Variants in EML5 observed in about 807,000 individuals in gnomAD.
The protein encoded by EML5 is EMAP like 5, also known as echinoderm microtubule-associated protein-like 5.
In EML5, 120 loss-of-function variants were observed where a neutral mutation model predicts 250.0. The observed-to-expected ratio is 0.48, with a 90% confidence interval of 0.41 to 0.56. EML5 has a LOEUF of 0.56. Ranked by LOEUF, EML5 falls within the 20% of genes least tolerant of loss-of-function variation. The probability of loss-of-function intolerance (pLI) is 0.00; values close to 1 mark genes in which losing one functional copy is unlikely to be tolerated. For synonymous variants in EML5, 771 were observed against 806.5 expected, an observed-to-expected ratio of 0.96 and a Z score of 0.75; for missense variants, 2,006 against 2,437.6, an observed-to-expected ratio of 0.82 and a Z score of 3.73.
intron 34 of EML5, 115 bp from the exon 35 acceptor site, chr14:88,627,161 A>C (rs1479169794): frequency 1.0e-6 from 1 of 985,934 alleles, no homozygotes; most frequent in African/African-American, 1.6e-5. Flanking sequence ...AGAGAGGCCA[A>C]TGGCCCCTGC....
chr14:88,671,776 A>G (rs2092468743), intron 21 of EML5, among the ~76,000 whole-genome samples: 1 of 152,228 alleles, frequency 6.6e-6, no homozygotes. Flanking sequence ...AACAGATTTT[A>G]AACCAAAAAA....
At chr14:88,727,494 C>T (rs1187624626) in intron 7 of EML5, among the ~76,000 whole-genome samples, 3 of 149,420 alleles carry the variant, frequency 2.0e-5, no homozygotes, top group Non-Finnish European at 4.5e-5. Context: ...CTCCGCCTCC[C>T]GGGTTCAAGC....
chr14:88,757,297 C>T (rs2094174056), intron 1 of EML5, among the ~76,000 whole-genome samples: 1 of 152,102 alleles, frequency 6.6e-6, no homozygotes. Flanking sequence ...TAAATTTGGA[C>T]ACATACCTCA....
chr14:88,647,878 T>C (rs1253245110), intron 28 of EML5, among the ~76,000 whole-genome samples: 1 of 152,078 alleles, frequency 6.6e-6, no homozygotes, highest in Non-Finnish European at 1.5e-5. Flanking sequence ...CTTATTTTTG[T>C]TTTTAAGAAT....
Position 88,714,988 on chromosome 14 carries a change from A to G in EML5, c.1395T>C (p.Tyr465=), listed in dbSNP as rs781439144. The G allele has an allele frequency of 2.7e-5, 44 of 1,613,146 alleles. No individual in the cohort carries two copies. The Middle Eastern group carries it at 4.9e-4, about 18-fold the overall frequency. ...THLDWSSDSR[Y]LQTNDGNGKR... is the part of the protein sequence containing the mutation. The stretch of plus-strand genomic sequence containing the variant: ...TCCCATTTCCATCATTTGTCTGCAA[A>G]TATCTACTGTCTGAAGACCAGTCCA... The change falls in exon 9 of 44, where the codon TAT becomes TAC. Residue 465 remains tyrosine (Y), a synonymous_variant. Coordinates refer to ENST00000554922, the MANE Select transcript of EML5 (RefSeq NM_183387.3).
At chr14:88,618,157 CA>C in intron 41 of EML5, 70 bp downstream of exon 41, 2 of 1,308,356 alleles carry the variant, frequency 1.5e-6, no homozygotes, top group Non-Finnish European at 2.2e-6. Context: ...ATGGCTCTAA[CA>C]GTTCAGAAAT....
chr14:88,626,268 G>C (rs1357203976), intron 35 of EML5: 1 of 152,276 alleles, frequency 6.6e-6, no homozygotes, highest in Non-Finnish European at 1.5e-5. Flanking sequence ...AGGATATTTA[G>C]GGTGACAATT....
At chr14:88,643,538 A>C (rs2091182615) in intron 30 of EML5, among the ~76,000 whole-genome samples, 2 of 152,200 alleles carry the variant, frequency 1.3e-5, no homozygotes, top group South Asian at 4.1e-4. Flanking sequence ...ATTTTATATA[A>C]GGCACTTGAG....
chr14:88,619,685 A>ATT (rs35732162), intron 39 of EML5: 106 of 149,838 alleles, frequency 7.1e-4, no homozygotes, highest in South Asian at 6.8e-3. Flanking sequence ...TGGAAGAAGA[A>ATT]TTTTTTTTTT....
chr14:88,628,421 AT>A (rs1343850719), intron 33 of EML5, among the ~76,000 whole-genome samples: 2 of 152,092 alleles, frequency 1.3e-5, no homozygotes, highest in South Asian at 2.1e-4. Flanking sequence ...CTTTAAAAAA[AT>A]GTGGTTATTA....
chr14:88,768,037 T>C (rs1226691344), intron 1 of EML5, among the ~76,000 whole-genome samples: 2 of 152,192 alleles, frequency 1.3e-5, no homozygotes, highest in Non-Finnish European at 2.9e-5. Context: ...CTGGGAACTT[T>C]TGAAGAATAC....
At chr14:88,681,678 C>T (rs1420864963) in intron 21 of EML5, among the ~76,000 whole-genome samples, 7 of 152,150 alleles carry the variant, frequency 4.6e-5, no homozygotes, top group African/African-American at 1.7e-4. Flanking sequence ...TGGAAATTTG[C>T]TCACTTTAGG....
intron 14 of EML5, among the ~76,000 whole-genome samples, chr14:88,700,177 T>G (rs1057445736): frequency 1.3e-5 from 2 of 152,224 alleles, no homozygotes; most frequent in Non-Finnish European, 2.9e-5. Flanking sequence ...TATTCGACTT[T>G]CCAGGTAAGT....
intron 21 of EML5, among the ~76,000 whole-genome samples, chr14:88,669,171 T>C (rs948332453): frequency 6.6e-6 from 1 of 152,162 alleles, no homozygotes; most frequent in Admixed American, 6.5e-5. Context: ...GTGCAACTGG[T>C]GGATCAGGAG....
chr14:88,748,023 C>T (rs779845224), intron 2 of EML5, among the ~76,000 whole-genome samples: 6 of 152,016 alleles, frequency 3.9e-5, no homozygotes, highest in Admixed American at 2.0e-4. Flanking sequence ...TGTAATCACC[C>T]GAGCTTCCAT....
chr14:88,732,259 G>C (rs1227356882), intron 7 of EML5, among the ~76,000 whole-genome samples: 4 of 152,144 alleles, frequency 2.6e-5, no homozygotes, highest in African/African-American at 9.7e-5. Flanking sequence ...GTAAGGAAGG[G>C]ATCCAGTTTC....
intron 42 of EML5, chr14:88,616,488 G>C: frequency 5.0e-6 from 3 of 605,592 alleles, no homozygotes; most frequent in Non-Finnish European, 2.8e-6. Context: ...TTTGATAACT[G>C]ATTATAGGTT....
In EML5 at chr14:88,627,058, C is replaced by G. The variant is rs746163917; in HGVS notation, c.4532-12G>C. On this transcript the variant is annotated splice_polypyrimidine_tract_variant and intron_variant, in intron 34 of 43. Coordinates refer to ENST00000554922, the MANE Select transcript of EML5 (RefSeq NM_183387.3). ...GGCAATTTTGGCACCTGACAAGATA[C>G]AACAAAATTATCTAGGTTATTACAA... The G allele has an allele frequency of 6.2e-7, 1 of 1,613,016 alleles. No homozygotes were observed.
At chr14:88,740,356 G>C (rs2093906827) in intron 5 of EML5, 31 bp downstream of exon 5, 1 of 1,556,366 alleles carries the variant, frequency 6.4e-7, no homozygotes, top group Non-Finnish European at 8.8e-7. Context: ...TAATACACAT[G>C]AAAGTGTTTA....
Sources: allele counts gnomAD v4.1 joint callset (sites outside exome capture counted in the v4.1 genomes callset), GRCh38; gene constraint gnomAD v4.1.1; transcripts MANE v1.5; gene names NCBI Gene and HGNC (gene_info 2026-07-23, HGNC 2026-07-21).